The following MARCHF6 variants were observed in gnomAD, a reference collection of about 807,000 sequenced individuals.
The protein encoded by MARCHF6 is membrane associated ring-CH-type finger 6, also known as E3 ubiquitin-protein ligase MARCHF6.
MARCHF6 carries 31 observed loss-of-function variants against 133.7 expected under a neutral mutation model. That is an observed-to-expected ratio of 0.23 (90% CI 0.17 to 0.31). The LOEUF (loss-of-function observed/expected upper bound fraction) is 0.31, where lower values mean the gene tolerates loss of function less well. MARCHF6 is among the 10% of genes least tolerant of loss of function. The probability of loss-of-function intolerance (pLI) is 1.00; values close to 1 mark genes in which losing one functional copy is unlikely to be tolerated. For synonymous variants in MARCHF6, 395 were observed against 402.5 expected (o/e 0.98, Z 0.22); for missense variants, 723 against 1,121.6 (o/e 0.64, Z 5.08).
chr5:10,353,808 C>A lies in MARCHF6; in HGVS notation c.-91C>A. The stretch of plus-strand genomic sequence containing the variant: ...TCGCACCTGAGCGTACGCACCTGCC[C>A]GGGCCCGGCTCCCTCCTCCTCTCCC... On this transcript the variant is annotated 5_prime_UTR_variant, in exon 1 of 26. Coordinates refer to ENST00000274140, the MANE Select transcript of MARCHF6 (RefSeq NM_005885.4). The A allele has an allele frequency of 8.1e-7, 1 of 1,234,892 alleles. No homozygotes were observed. The highest frequency in any genetic ancestry group is 1.1e-6 in the Non-Finnish European group (1 of 878,794). The allele number at this position is 1,234,892 out of a possible 1,614,324, so 76.5% of individuals were successfully genotyped here. A position where few individuals can be genotyped will look rare whatever the true frequency, so the allele number is the denominator to read the frequency against.
chr5:10,421,807 T>G (rs1027948616), intron 22 of MARCHF6: 1 of 152,252 alleles, frequency 6.6e-6, no homozygotes, highest in Non-Finnish European at 1.5e-5. Flanking sequence ...AGGAGACTGT[T>G]GGAGGGCTAT....
chr5:10,427,426 C>G (rs913997080), intron 24 of MARCHF6, among the ~76,000 whole-genome samples: 8 of 152,172 alleles, frequency 5.3e-5, no homozygotes, highest in African/African-American at 1.7e-4. Flanking sequence ...GCATAGTTTA[C>G]AAGGCTCCTC....
intron 4 of MARCHF6, among the ~76,000 whole-genome samples, chr5:10,383,951 G>A (rs1241859219): frequency 3.3e-5 from 5 of 152,080 alleles, no homozygotes; most frequent in Non-Finnish European, 5.9e-5. Context: ...CAGCATAACT[G>A]TGCATTAAAA....
rs118067487 is a variant in MARCHF6 at position 10,365,299 on chromosome 5, T to C, written c.19+11382T>C. On this transcript the variant is annotated intron_variant, in intron 1 of 25. Coordinates refer to ENST00000274140, the MANE Select transcript of MARCHF6 (RefSeq NM_005885.4). ...GGGGTACATAGAGAATTGGAATTAT[T>C]ATTATTATTATTATTTTTGAGACAG... 5.7e-4 allele frequency among the ~76,000 whole-genome samples: 87 copies of C among 151,748 alleles called. 1 individual carries two copies. The East Asian group carries it at 0.015, about 27-fold the overall frequency.
chr5:10,370,092 ATT>A (rs762064486), intron 1 of MARCHF6, among the ~76,000 whole-genome samples: 1 of 64,968 alleles, frequency 1.5e-5, no homozygotes, highest in Admixed American at 2.7e-4. Flanking sequence ...TCTTACTGTG[ATT>A]TTTTTTTTTT....
intron 12 of MARCHF6, 82 bp from the exon 13 acceptor site, chr5:10,402,302 A>G (rs965302643): frequency 5.0e-5 from 66 of 1,327,320 alleles, no homozygotes; most frequent in Non-Finnish European, 6.4e-5. Context: ...AATTCTGTCA[A>G]AAAATACTAA....
chr5:10,360,075 G>C (rs1293524178), intron 1 of MARCHF6, among the ~76,000 whole-genome samples: 2 of 151,504 alleles, frequency 1.3e-5, no homozygotes, highest in East Asian at 1.9e-4. Context: ...GAAGGCTTCT[G>C]GTCACCAGTA....
intron 3 of MARCHF6, 36 bp from the exon 4 acceptor site, chr5:10,381,764 T>A: frequency 6.6e-7 from 1 of 1,519,626 alleles, no homozygotes; most frequent in African/African-American, 1.4e-5. Context: ...TTTTCGAATC[T>A]TCATGAAACT....
intron 13 of MARCHF6, 29 bp downstream of exon 13, chr5:10,402,481 A>G (rs1374820249): frequency 1.9e-6 from 3 of 1,612,748 alleles, no homozygotes; most frequent in Non-Finnish European, 2.5e-6. Context: ...TAAAATTGGA[A>G]ATGATTTCTC....
intron 1 of MARCHF6, among the ~76,000 whole-genome samples, chr5:10,375,553 C>T (rs995391179): frequency 1.7e-4 from 26 of 152,366 alleles, no homozygotes; most frequent in South Asian, 6.2e-4. Context: ...GCGCATGGCG[C>T]GGGACTGGCA....
At chr5:10,420,750 A>C (rs2126318251) in intron 22 of MARCHF6, among the ~76,000 whole-genome samples, 1 of 152,326 alleles carries the variant, frequency 6.6e-6, no homozygotes, top group East Asian at 1.9e-4. Flanking sequence ...CATTATTCAA[A>C]CCACAGAAAT....
chr5:10,411,479 A>T lies in MARCHF6; in HGVS notation c.1838A>T (p.Gln613Leu). 6.2e-7 allele frequency: 1 copy of T among 1,614,260 alleles called. No homozygotes were observed. The highest frequency in any genetic ancestry group is 8.5e-7 in the Non-Finnish European group (1 of 1,180,042). The stretch of plus-strand genomic sequence containing the variant: ...CATGCAGCCCACCAAGCCATACTCC[A>T]GCAGGGAGGGCCTGTTGGCTTTCAG... ...GLHAAHQAIL[Q>L]QGGPVGFQPY... Residue 613 changes from glutamine to leucine, a missense_variant, in exon 19 of 26, where the codon CAG becomes CTG. Around this residue, in one of 4 missense-constraint regions of MARCHF6, gnomAD observed 492 missense variants for 699.5 expected, o/e 0.70. Coordinates refer to ENST00000274140, the MANE Select transcript of MARCHF6 (RefSeq NM_005885.4).
intron 8 of MARCHF6, among the ~76,000 whole-genome samples, chr5:10,394,380 T>G (rs1429935915): frequency 6.6e-6 from 1 of 152,204 alleles, no homozygotes; most frequent in African/African-American, 2.4e-5. Context: ...TACCTGAAAT[T>G]GTGGACTTTT....
At chr5:10,384,748 A>AGGG (rs1459368471) in intron 4 of MARCHF6, among the ~76,000 whole-genome samples, 1 of 152,226 alleles carries the variant, frequency 6.6e-6, no homozygotes, top group African/African-American at 2.4e-5. Flanking sequence ...ACAGTGATCA[A>AGGG]GGGGGAGCGC....
chr5:10,430,098 A>C, intron 25 of MARCHF6, 70 bp downstream of exon 25: 1 of 1,508,326 alleles, frequency 6.6e-7, no homozygotes, highest in Non-Finnish European at 9.1e-7. Context: ...CTGATGTGAC[A>C]AATCATAGGA....
At chr5:10,378,552 A>T (rs1736925954) in intron 2 of MARCHF6, among the ~76,000 whole-genome samples, 1 of 152,240 alleles carries the variant, frequency 6.6e-6, no homozygotes, top group African/African-American at 2.4e-5. Flanking sequence ...TTTTAATGGT[A>T]GAAAAATGTG....
At chr5:10,358,868 A>T (rs1462997276) in intron 1 of MARCHF6, among the ~76,000 whole-genome samples, 1 of 152,196 alleles carries the variant, frequency 6.6e-6, no homozygotes, top group Non-Finnish European at 1.5e-5. Flanking sequence ...CAAAACTTAC[A>T]CACACAAACA....
At chr5:10,377,451 C>T (rs1010258724) in intron 1 of MARCHF6, among the ~76,000 whole-genome samples, 8 of 152,188 alleles carry the variant, frequency 5.3e-5, no homozygotes, top group African/African-American at 1.9e-4. Flanking sequence ...GAGTTTAAAA[C>T]TGTTAGGACG....
At chr5:10,403,265 C>G (rs564985665) in intron 14 of MARCHF6, 142 bp from the exon 15 acceptor site, 17 of 702,646 alleles carry the variant, frequency 2.4e-5, no homozygotes, top group Non-Finnish European at 3.5e-5. Context: ...TCTGTGACAC[C>G]GTGGAATGAC....
Sources: gnomAD v4.1 joint callset for allele counts (sites outside exome capture counted in the v4.1 genomes callset) on GRCh38, gnomAD v4.1.1 for gene constraint, gnomAD v4.1.1 regional missense constraint, MANE v1.5 for transcripts, NCBI Gene and HGNC (gene_info 2026-07-23, HGNC 2026-07-21) for gene names.